Variants in DAB1 observed in about 807,000 individuals in gnomAD.
DAB1 encodes disabled homolog 1.
Under a neutral mutation model 64.6 loss-of-function variants are expected in DAB1, and 15 were observed. The ratio of observed to expected loss-of-function variants is 0.23; its 90% CI spans 0.16 to 0.36. The LOEUF is 0.36. DAB1 is among the 10% of genes least tolerant of loss of function. The pLI is 1.00. For synonymous variants in DAB1, 235 were observed against 251.9 expected (o/e 0.93, Z 0.64); for missense variants, 596 against 706.7 (o/e 0.84, Z 1.78).
intron 2 of DAB1, among the ~76,000 whole-genome samples, chr1:57,172,917 G>A (rs567837598): frequency 1.3e-5 from 2 of 152,250 alleles, no homozygotes; most frequent in East Asian, 1.9e-4. Context: ...ATTTCAGCCT[G>A]TATTTAATCA....
downstream of DAB1, among the ~76,000 whole-genome samples, chr1:57,825,369 T>C (rs1345640931): frequency 6.6e-6 from 1 of 152,172 alleles, no homozygotes; most frequent in South Asian, 2.1e-4. Context: ...TACTTTCCAG[T>C]AGAGAACAAG....
Position 58,280,216 on chromosome 1 carries a change from T to G in DAB1, n.309+63136A>C, listed in dbSNP as rs28596479. Among the ~76,000 whole-genome samples, 3 of 152,230 alleles carry G rather than the reference T, an allele frequency of 2.0e-5. No homozygotes were observed. The East Asian group carries it at 5.8e-4, about 29-fold the overall frequency. On this transcript the variant is annotated intron_variant and non_coding_transcript_variant, in intron 4 of 20. Coordinates refer to the DAB1 transcript ENST00000485760. Reference sequence around the variant, plus strand: ...CCCACCTCCTGTGAGGAGTCATCCATGTCTACCCTTTGTCTTCCATGCTCT... The same window carrying G: ...CCCACCTCCTGTGAGGAGTCATCCAGGTCTACCCTTTGTCTTCCATGCTCT...
At chr1:58,188,115 G>A (rs1363742815) in intron 4 of DAB1, among the ~76,000 whole-genome samples, 1 of 151,558 alleles carries the variant, frequency 6.6e-6, no homozygotes, top group Non-Finnish European at 1.5e-5. Flanking sequence ...CACCATGTTG[G>A]CCAGACTGGT....
intron 4 of DAB1, among the ~76,000 whole-genome samples, chr1:58,162,879 T>C (rs1655616926): frequency 6.6e-6 from 1 of 152,200 alleles, no homozygotes; most frequent in South Asian, 2.1e-4. Flanking sequence ...TCAGTGGTTC[T>C]AAACCAGGGG....
At chr1:58,497,911 G>GT (rs1413431058) in intron 3 of DAB1, among the ~76,000 whole-genome samples, 1 of 152,028 alleles carries the variant, frequency 6.6e-6, no homozygotes, top group African/African-American at 2.4e-5. Context: ...CATTCCATGG[G>GT]TATCTCCCAG....
At chr1:57,188,650 C>T (rs111261732) in intron 2 of DAB1, among the ~76,000 whole-genome samples, 2 of 32,910 alleles carry the variant, frequency 6.1e-5, no homozygotes, top group Admixed American at 7.2e-4. Context: ...AGCATATCTA[C>T]AACACTGCTC....
intron 3 of DAB1, among the ~76,000 whole-genome samples, chr1:58,405,967 G>A (rs1644612847): frequency 6.6e-6 from 1 of 152,162 alleles, no homozygotes; most frequent in South Asian, 2.1e-4. Context: ...CAGAGCCTCA[G>A]GAACAGTGTT....
intron 2 of DAB1, among the ~76,000 whole-genome samples, chr1:57,197,352 A>AAG (rs1664711364): frequency 7.0e-6 from 1 of 141,924 alleles, no homozygotes; most frequent in Non-Finnish European, 1.6e-5. Flanking sequence ...TCAAAAAAAA[A>AAG]AAAAAAGAAA....
In DAB1 at chr1:58,300,637, AGAGAGAGAGAGGAAGGAAGG is replaced by A. The variant is rs1162293720; in HGVS notation, n.309+42695_309+42714del. 1.6e-3 allele frequency among the ~76,000 whole-genome samples: 100 copies of A among 63,018 alleles called. 1 individual carries two copies. The highest frequency in any genetic ancestry group is 6.8e-3 in the East Asian group (10 of 1,476). The allele number at this position is 63,018 out of a possible 152,430, so 41.3% of individuals were successfully genotyped here. On this transcript the variant is annotated intron_variant and non_coding_transcript_variant, in intron 4 of 20. Coordinates refer to the DAB1 transcript ENST00000485760. ...GAGAGAGAGAGAGAGAGAGAGAGAGAGAGAGAGAGAGGAAGGAAGGAAGGAAGGAAGGAAGGAAGGAAGGA... is the reference window on the plus strand; with the variant it reads ...GAGAGAGAGAGAGAGAGAGAGAGAGAAAGGAAGGAAGGAAGGAAGGAAGGA...
At chr1:58,116,833 G>A (rs1652364714) in intron 5 of DAB1, among the ~76,000 whole-genome samples, 1 of 151,680 alleles carries the variant, frequency 6.6e-6, no homozygotes, top group African/African-American at 2.4e-5. Context: ...TAGCTGCCAG[G>A]GCAAAAAAGA....
intron 7 of DAB1, among the ~76,000 whole-genome samples, chr1:57,454,474 G>A (rs965429391): frequency 1.8e-4 from 28 of 152,122 alleles, no homozygotes; most frequent in Admixed American, 5.2e-4. Context: ...TGAACACAAA[G>A]AAATGAACAA....
chr1:58,482,360 GAT>G (rs1207866298), intron 3 of DAB1, among the ~76,000 whole-genome samples: 1 of 152,214 alleles, frequency 6.6e-6, no homozygotes, highest in East Asian at 1.9e-4. Flanking sequence ...CCCTGAAACT[GAT>G]GGCAGGGTTG....
chr1:57,003,429 C>T (rs1645944803), intron 14 of DAB1, among the ~76,000 whole-genome samples: 1 of 152,118 alleles, frequency 6.6e-6, no homozygotes, highest in South Asian at 2.1e-4. Flanking sequence ...GAAACCTGGG[C>T]TCCCTGCAGT....
At chr1:58,322,409 C>T (rs1048503877) in intron 4 of DAB1, among the ~76,000 whole-genome samples, 4 of 152,006 alleles carry the variant, frequency 2.6e-5, no homozygotes, top group African/African-American at 4.8e-5. Context: ...AACAAAAAAC[C>T]CCATCAAAAA....
At chr1:57,447,110 A>G (rs1041783988) in intron 7 of DAB1, among the ~76,000 whole-genome samples, 4 of 152,242 alleles carry the variant, frequency 2.6e-5, no homozygotes, top group Admixed American at 1.3e-4. Flanking sequence ...TAACTCACAG[A>G]ATAATGGAAG....
intron 6 of DAB1, among the ~76,000 whole-genome samples, chr1:57,743,346 C>A (rs1648094066): frequency 6.6e-6 from 1 of 152,178 alleles, no homozygotes; most frequent in African/African-American, 2.4e-5. Context: ...TAATTCTCCC[C>A]ACCCTTGAGA....
intron 2 of DAB1, among the ~76,000 whole-genome samples, chr1:57,166,176 T>G (rs534815633): frequency 1.7e-4 from 26 of 152,320 alleles, no homozygotes; most frequent in Admixed American, 9.1e-4. Flanking sequence ...TATTGTTATT[T>G]TTTTAATTTG....
chr1:57,127,672 A>C (rs1657256033), intron 4 of DAB1, among the ~76,000 whole-genome samples: 1 of 152,208 alleles, frequency 6.6e-6, no homozygotes, highest in Non-Finnish European at 1.5e-5. Flanking sequence ...AAATAGATAA[A>C]AATTTAAGAG....
intron 7 of DAB1, among the ~76,000 whole-genome samples, chr1:57,516,314 G>A (rs1558452701): frequency 6.6e-6 from 1 of 152,110 alleles, no homozygotes; most frequent in African/African-American, 2.4e-5. Flanking sequence ...TAAGAGTCTC[G>A]AAAGGAGATG....
Sources: allele counts gnomAD v4.1 joint callset (sites outside exome capture counted in the v4.1 genomes callset), GRCh38; gene constraint gnomAD v4.1.1; transcripts MANE v1.5; gene names NCBI Gene and HGNC (gene_info 2026-07-23, HGNC 2026-07-21).